The following WWOX variants were observed in gnomAD, a reference collection of about 807,000 sequenced individuals.
The protein encoded by WWOX is WW domain-containing oxidoreductase.
Under a neutral mutation model 46.2 loss-of-function variants are expected in WWOX, and 69 were observed. The ratio of observed to expected loss-of-function variants is 1.49; its 90% CI spans 1.23 to 1.82. The LOEUF (loss-of-function observed/expected upper bound fraction) is 1.82, where lower values mean the gene tolerates loss of function less well. WWOX is among the 40% of genes most tolerant of loss of function. The pLI, the probability that WWOX is intolerant of heterozygous loss-of-function variation, is 0.00. For missense variants in WWOX, 919 were observed against 542.6 expected (o/e 1.69, Z -6.89); for synonymous variants, 359 against 202.6 (o/e 1.77, Z -6.56).
chr16:78,883,560 C>G (rs1423705031), intron 8 of WWOX, among the ~76,000 whole-genome samples: 1 of 151,982 alleles, frequency 6.6e-6, no homozygotes, highest in Non-Finnish European at 1.5e-5. Flanking sequence ...CCCATCTCTA[C>G]TAAAAATACA....
At chr16:78,199,921 G>A (rs777569817) in intron 5 of WWOX, among the ~76,000 whole-genome samples, 4 of 152,160 alleles carry the variant, frequency 2.6e-5, no homozygotes, top group Non-Finnish European at 5.9e-5. Flanking sequence ...AAACACTAAT[G>A]TATGCAAGAA....
chr16:78,978,706 C>T (rs556399379), intron 8 of WWOX, among the ~76,000 whole-genome samples: 35 of 152,220 alleles, frequency 2.3e-4, no homozygotes, highest in Admixed American at 3.9e-4. Flanking sequence ...CAACAGAGAG[C>T]GACTGGGGAG....
chr16:79,146,192 A>T (rs1445629715), intron 8 of WWOX, among the ~76,000 whole-genome samples: 1 of 152,190 alleles, frequency 6.6e-6, no homozygotes, highest in Non-Finnish European at 1.5e-5. Flanking sequence ...CTCTTGGATT[A>T]TGTTACCTTG....
At chr16:79,087,249 C>A (rs958306789) in intron 8 of WWOX, among the ~76,000 whole-genome samples, 4 of 152,222 alleles carry the variant, frequency 2.6e-5, no homozygotes, top group Non-Finnish European at 4.4e-5. Flanking sequence ...CCTCTCTTCC[C>A]CAGCCAGGAG....
At chr16:78,565,254 AC>A (rs1224400166) in intron 8 of WWOX, among the ~76,000 whole-genome samples, 2 of 152,226 alleles carry the variant, frequency 1.3e-5, no homozygotes, top group African/African-American at 2.4e-5. Context: ...CTGGCTTTAA[AC>A]AACACATGCT....
At chr16:78,981,263 C>G (rs201675772) in intron 8 of WWOX, among the ~76,000 whole-genome samples, 1 of 152,062 alleles carries the variant, frequency 6.6e-6, no homozygotes, top group Non-Finnish European at 1.5e-5. Context: ...TAGGATTTCT[C>G]TGCGCTGGCT....
intron 8 of WWOX, among the ~76,000 whole-genome samples, chr16:78,466,553 C>T (rs142495779): frequency 2.4e-4 from 36 of 152,132 alleles, no homozygotes; most frequent in African/African-American, 7.2e-4. Flanking sequence ...ATTCCAGCTG[C>T]GTGCAGTGGC....
At chr16:78,833,129 A>G (rs760066044) in intron 8 of WWOX, among the ~76,000 whole-genome samples, 1 of 151,080 alleles carries the variant, frequency 6.6e-6, no homozygotes, top group South Asian at 2.1e-4. Flanking sequence ...GCAGCCTCCA[A>G]CTCCTAGGCT....
intron 8 of WWOX, among the ~76,000 whole-genome samples, chr16:78,607,170 A>G (rs1395619037): frequency 6.6e-6 from 1 of 152,210 alleles, no homozygotes; most frequent in East Asian, 1.9e-4. Context: ...AGAAAACACA[A>G]TAAATACACA....
intron 8 of WWOX, among the ~76,000 whole-genome samples, chr16:78,900,553 G>C (rs921741915): frequency 5.3e-5 from 8 of 152,056 alleles, no homozygotes; most frequent in Non-Finnish European, 1.0e-4. Context: ...TTCCAATTTG[G>C]ATATTTCGTG....
chr16:79,154,892 A>C (rs1567586406), intron 8 of WWOX, among the ~76,000 whole-genome samples: 1 of 152,214 alleles, frequency 6.6e-6, no homozygotes, highest in Admixed American at 6.5e-5. Flanking sequence ...CCTGTTTAAT[A>C]CATATCATGG....
intron 8 of WWOX, among the ~76,000 whole-genome samples, chr16:78,782,502 C>A (rs549022353): frequency 6.6e-6 from 1 of 152,278 alleles, no homozygotes; most frequent in East Asian, 1.9e-4. Flanking sequence ...GAGGAAAAAT[C>A]ATCCAAACTA....
chr16:78,322,205 A>G (rs574919171), intron 5 of WWOX, among the ~76,000 whole-genome samples: 1 of 152,306 alleles, frequency 6.6e-6, no homozygotes, highest in East Asian at 1.9e-4. Context: ...CAAATGAGCC[A>G]AAATCCATCT....
chr16:79,185,601 T>G (rs1385979833), intron 8 of WWOX, among the ~76,000 whole-genome samples: 2 of 152,166 alleles, frequency 1.3e-5, no homozygotes, highest in East Asian at 3.9e-4. Flanking sequence ...GGCGCGTCTG[T>G]CTTTCACGGC....
chr16:78,564,603 C>G (rs1335926076), intron 8 of WWOX, among the ~76,000 whole-genome samples: 1 of 152,108 alleles, frequency 6.6e-6, no homozygotes, highest in Non-Finnish European at 1.5e-5. Context: ...TTCTCCTAAG[C>G]AATCAATTTC....
rs1567596157 is a variant in WWOX, at chr16:78,144,436, TATATATATATACAC to T, written c.410-19735_410-19722del. Among the ~76,000 whole-genome samples, 17 of 16,284 alleles carry T rather than the reference TATATATATATACAC, an allele frequency of 1.0e-3. 4 individuals are homozygous for T. The highest frequency in any genetic ancestry group is 1.8e-3 in the South Asian group (1 of 554). 10.7% of individuals were successfully genotyped at this position (16,284 alleles called of 152,430 possible). A position where few individuals can be genotyped will look rare whatever the true frequency, so the allele number is the denominator to read the frequency against. Reference sequence around the variant, plus strand: ...ACGTGGTTTTTGCCATTACTATATATATATATATATACACATATATATATATACACACATATATA... The same window carrying T: ...ACGTGGTTTTTGCCATTACTATATATATATATATATATACACACATATATA... On this transcript the variant is annotated intron_variant, in intron 4 of 8. Coordinates refer to ENST00000566780, the MANE Select transcript of WWOX (RefSeq NM_016373.4).
chr16:78,370,549 G>T (rs559102553), intron 5 of WWOX, among the ~76,000 whole-genome samples: 50 of 151,780 alleles, frequency 3.3e-4, no homozygotes, highest in Admixed American at 9.8e-4. Flanking sequence ...CTTCTGTTCT[G>T]TTCTTAAAGT....
chr16:78,562,557 A>G (rs904110476), intron 8 of WWOX, among the ~76,000 whole-genome samples: 13 of 152,140 alleles, frequency 8.5e-5, no homozygotes, highest in Non-Finnish European at 1.8e-4. Flanking sequence ...TGCCCTTGGC[A>G]TTGCACGTGC....
chr16:79,105,508 A>G (rs528054065), intron 8 of WWOX, among the ~76,000 whole-genome samples: 8 of 152,324 alleles, frequency 5.3e-5, no homozygotes, highest in African/African-American at 1.7e-4. Flanking sequence ...CCATATCAAT[A>G]TCTATATTTA....
Sources: allele counts gnomAD v4.1 joint callset (sites outside exome capture counted in the v4.1 genomes callset), GRCh38; gene constraint gnomAD v4.1.1; transcripts MANE v1.5; gene names NCBI Gene and HGNC (gene_info 2026-07-23, HGNC 2026-07-21).